Variants in KPNB1 observed in about 807,000 individuals in gnomAD.
The protein encoded by KPNB1 is importin subunit beta-1.
Under a neutral mutation model 113.0 loss-of-function variants are expected in KPNB1, and 7 were observed. The ratio of observed to expected loss-of-function variants is 0.06; its 90% CI spans 0.04 to 0.12. The LOEUF (loss-of-function observed/expected upper bound fraction) is 0.12, where lower values mean the gene tolerates loss of function less well. Ranked by LOEUF, KPNB1 falls within the 10% of genes least tolerant of loss-of-function variation. The pLI, the probability that KPNB1 is intolerant of heterozygous loss-of-function variation, is 1.00. For synonymous variants in KPNB1, 363 were observed against 378.6 expected (o/e 0.96, Z 0.48); for missense variants, 400 against 1,054.8 (o/e 0.38, Z 8.60).
At chr17:47,674,976 T>C (rs2030551824) in intron 15 of KPNB1, among the ~76,000 whole-genome samples, 194 bp downstream of exon 15, 1 of 152,176 alleles carries the variant, frequency 6.6e-6, no homozygotes, top group Non-Finnish European at 1.5e-5. Flanking sequence ...CACACCACCA[T>C]GCCCAGCTAA....
chr17:47,651,766 T>C (rs1397296693), intron 2 of KPNB1, among the ~76,000 whole-genome samples: 2 of 152,220 alleles, frequency 1.3e-5, no homozygotes, highest in Non-Finnish European at 2.9e-5. Context: ...TTTTGACTTT[T>C]CCTGCTAACT....
At chr17:47,653,766 G>A (rs1212494139) in intron 3 of KPNB1, among the ~76,000 whole-genome samples, 2 of 152,130 alleles carry the variant, frequency 1.3e-5, no homozygotes, top group Non-Finnish European at 2.9e-5. Context: ...GCCCTGTAAG[G>A]CAGTAACTTC....
At chr17:47,673,627 G>A in intron 14 of KPNB1, 66 bp downstream of exon 14, 2 of 1,218,342 alleles carry the variant, frequency 1.6e-6, no homozygotes, top group Admixed American at 1.7e-5. Context: ...AGTATAACAA[G>A]TTCGTGTACA....
rs763023665 is a variant in KPNB1 at position 47,650,464 on chromosome 17, G to GCCCATCCCGCCGCGTC, written c.99+29_99+44dup. Reference sequence around the variant, plus strand: ...AACCTGGTGCGTGCTACCCCGCCGCGCCCATCCCGCCGCGTCCCCATCCCC... The same window carrying GCCCATCCCGCCGCGTC: ...AACCTGGTGCGTGCTACCCCGCCGCGCCCATCCCGCCGCGTCCCCATCCCGCCGCGTCCCCATCCCC... On this transcript the variant is annotated intron_variant, in intron 2 of 21. Coordinates refer to ENST00000290158, the MANE Select transcript of KPNB1 (RefSeq NM_002265.6). 7 of 1,590,304 alleles carry GCCCATCCCGCCGCGTC rather than the reference G, an allele frequency of 4.4e-6. No homozygotes were observed. The highest frequency in any genetic ancestry group is 1.9e-4 in the Middle Eastern group (1 of 5,356).
intron 21 of KPNB1, among the ~76,000 whole-genome samples, chr17:47,681,362 G>A (rs367783530): frequency 8.7e-5 from 13 of 149,404 alleles, no homozygotes; most frequent in African/African-American, 3.0e-4. Context: ...TCTGCCTCCC[G>A]GGTTCAAGCA....
rs888848251 is a variant in KPNB1, at chr17:47,678,102, T to C, written c.2160T>C (p.Ile720=). Residue 720 remains isoleucine (I), a synonymous_variant, in exon 18 of 22, where the codon ATT becomes ATC. Coordinates refer to ENST00000290158, the MANE Select transcript of KPNB1 (RefSeq NM_002265.6). Reference sequence around the variant, plus strand: ...AGATTCTGTCAGTGTTTGGTGATATTGCCCTTGCTATTGGAGGAGAGTTTA... The same window carrying C: ...AGATTCTGTCAGTGTTTGGTGATATCGCCCTTGCTATTGGAGGAGAGTTTA... ...KPQILSVFGD[I]ALAIGGEFKK... 1 of 1,614,140 alleles carries C rather than the reference T, an allele frequency of 6.2e-7. No individual in the cohort carries two copies. The highest frequency in any genetic ancestry group is 1.3e-5 in the African/African-American group (1 of 75,048).
intron 6 of KPNB1, among the ~76,000 whole-genome samples, chr17:47,661,809 ACAGTT>A (rs2030106111): frequency 6.6e-6 from 1 of 152,132 alleles, no homozygotes; most frequent in South Asian, 2.1e-4. Flanking sequence ...ACACAAATAA[ACAGTT>A]AAGGGAGAAA....
At position 47,663,185 on chromosome 17, in the gene KPNB1, A is replaced by G. The variant is rs1168300604; in HGVS notation, c.786+7A>G. 3 of 1,353,566 alleles carry G rather than the reference A, an allele frequency of 2.2e-6. No homozygotes were observed. The highest frequency in any genetic ancestry group is 2.3e-5 in the South Asian group (2 of 85,680). The allele number at this position is 1,353,566 out of a possible 1,614,324, so 83.8% of individuals were successfully genotyped here. A position where few individuals can be genotyped will look rare whatever the true frequency, so the allele number is the denominator to read the frequency against. On this transcript the variant is annotated splice_region_variant and intron_variant, in intron 7 of 21. Coordinates refer to ENST00000290158, the MANE Select transcript of KPNB1 (RefSeq NM_002265.6). ...GGGTCCTGCTCTTTTTGCAGTAAGT[A>G]TTTCTATTTATGTGATTTGAGCTTG...
At chr17:47,650,594 A>AC (rs1567885821) in intron 2 of KPNB1, 150 bp downstream of exon 2, 5 of 663,104 alleles carry the variant, frequency 7.5e-6, no homozygotes, top group Non-Finnish European at 1.2e-5. Flanking sequence ...ACCCGGTCCA[A>AC]CCTAACCCCG....
chr17:47,656,776 G>T, intron 3 of KPNB1, 84 bp from the exon 4 acceptor site: 1 of 1,308,814 alleles, frequency 7.6e-7, no homozygotes, highest in African/African-American at 1.5e-5. Context: ...AGAATTCAGA[G>T]ACACTAATAT....
At chr17:47,665,304 A>G (rs906900390) in intron 9 of KPNB1, 146 bp downstream of exon 9, 13 of 656,142 alleles carry the variant, frequency 2.0e-5, no homozygotes, top group African/African-American at 3.6e-5. Context: ...AGCTGCATCT[A>G]TAAGATCCCC....
chr17:47,665,214 CTG>C lies in KPNB1; in HGVS notation c.999+59_999+60del, dbSNP rs777404438. ...GCTGTGGAACCTTACTAAGAGTAAA[CTG>C]TGGAAACTTTCCATGGAAGGAACTT... is the stretch of plus-strand genomic sequence containing the variant. On this transcript the variant is annotated intron_variant, in intron 9 of 21. Transcript: ENST00000290158. The C allele has an allele frequency of 9.0e-4, 1,236 of 1,371,408 alleles. 3 individuals carry two copies. Among genetic ancestry groups the C allele is most frequent in the Admixed American group, 2.0e-3 (116 of 57,450 alleles). 85.0% of individuals were successfully genotyped at this position (1,371,408 alleles called of 1,614,324 possible). A position where few individuals can be genotyped will look rare whatever the true frequency, so the allele number is the denominator to read the frequency against.
intron 3 of KPNB1, 63 bp from the exon 4 acceptor site, chr17:47,656,797 G>T (rs1276656607): frequency 2.0e-6 from 3 of 1,509,244 alleles, no homozygotes; most frequent in South Asian, 2.3e-5. Context: ...AAGTATGGTG[G>T]TGGGCAAAAT....
At chr17:47,674,855 C>A in intron 15 of KPNB1, 73 bp downstream of exon 15, 1 of 1,489,464 alleles carries the variant, frequency 6.7e-7, no homozygotes, top group Non-Finnish European at 9.1e-7. Flanking sequence ...AAATAATTGT[C>A]ACCCAGGCTG....
intron 6 of KPNB1, among the ~76,000 whole-genome samples, chr17:47,661,833 G>T (rs887197626): frequency 6.6e-6 from 1 of 152,084 alleles, no homozygotes; most frequent in Non-Finnish European, 1.5e-5. Flanking sequence ...AAAGGTTTTC[G>T]ATCAGCTTCG....
At chr17:47,655,014 G>T (rs1452995329) in intron 3 of KPNB1, among the ~76,000 whole-genome samples, 1 of 152,132 alleles carries the variant, frequency 6.6e-6, no homozygotes, top group East Asian at 1.9e-4. Context: ...GTGGGGGCCA[G>T]GGATGATGAT....
intron 3 of KPNB1, among the ~76,000 whole-genome samples, chr17:47,656,504 C>T (rs956509501): frequency 6.6e-6 from 1 of 151,694 alleles, no homozygotes; most frequent in Non-Finnish European, 1.5e-5. Context: ...TTTGCTACTA[C>T]ACTCCACCCT....
intron 19 of KPNB1, chr17:47,679,791 G>A (rs958028548): frequency 2.7e-5 from 10 of 368,794 alleles, no homozygotes; most frequent in Non-Finnish European, 5.0e-5. Context: ...CCGCCTCCTG[G>A]GTTCACGCCA....
chr17:47,658,639 C>T lies in KPNB1; in HGVS notation c.615C>T (p.Thr205=). Residue 205 remains threonine, a synonymous_variant, in exon 5 of 22, where the codon ACC becomes ACT. Transcript: ENST00000290158. ...TNALLNSLEF[T]KANFDKESER... ...CACTCCTGAACTCATTGGAGTTCACCAAAGCAAACTTTGATAAAGAGGTAA... is the reference window on the plus strand; with the variant it reads ...CACTCCTGAACTCATTGGAGTTCACTAAAGCAAACTTTGATAAAGAGGTAA... 1 of 1,612,870 alleles carries T rather than the reference C, an allele frequency of 6.2e-7. No individual in the cohort carries two copies. Among genetic ancestry groups the T allele is most frequent in the Non-Finnish European group, 8.5e-7 (1 of 1,179,460 alleles).
Sources: gnomAD v4.1 joint callset for allele counts (sites outside exome capture counted in the v4.1 genomes callset) on GRCh38, gnomAD v4.1.1 for gene constraint, MANE v1.5 for transcripts, NCBI Gene and HGNC (gene_info 2026-07-23, HGNC 2026-07-21) for gene names.